The following EPS15L1 variants were observed in gnomAD, a reference collection of about 807,000 sequenced individuals.
EPS15L1 encodes epidermal growth factor receptor pathway substrate 15 like 1.
A neutral mutation model predicts 117.1 loss-of-function variants in EPS15L1; 43 were observed. The observed-to-expected ratio is 0.37, with a 90% CI of 0.29 to 0.47. EPS15L1 has a LOEUF of 0.47. EPS15L1 is among the 20% of genes least tolerant of loss of function. EPS15L1 has a pLI of 0.99. For synonymous variants in EPS15L1, 459 were observed against 470.5 expected (o/e 0.98, Z 0.32); for missense variants, 981 against 1,164.0 (o/e 0.84, Z 2.29).
chr19:16,456,822 G>A (rs1337725779), intron 1 of EPS15L1, among the ~76,000 whole-genome samples: 3 of 152,066 alleles, frequency 2.0e-5, no homozygotes, highest in Non-Finnish European at 2.9e-5. Flanking sequence ...GGTGTGCACC[G>A]GGACAGAGAA....
intron 13 of EPS15L1, among the ~76,000 whole-genome samples, chr19:16,406,635 C>T (rs1361058263): frequency 4.6e-5 from 7 of 152,268 alleles, no homozygotes; most frequent in East Asian, 1.9e-4. Context: ...TTCCAGGCCA[C>T]GGCCCATGGA....
chr19:16,444,063 CAAAAAAAA>C (rs545605173), intron 1 of EPS15L1, among the ~76,000 whole-genome samples: 7 of 37,698 alleles, frequency 1.9e-4, no homozygotes, highest in Admixed American at 7.7e-4. Flanking sequence ...GACTCCGTCT[CAAAAAAAA>C]AAAAAAAAAA....
intron 16 of EPS15L1, among the ~76,000 whole-genome samples, chr19:16,400,362 AAAAAAAAAAC>A (rs2092587735): frequency 6.6e-6 from 1 of 151,670 alleles, no homozygotes; most frequent in Admixed American, 6.6e-5. Context: ...AAAACAAAAA[AAAAAAAAAAC>A]CCCTGACTTT....
chr19:16,376,396 C>G (rs1034017710), intron 22 of EPS15L1, among the ~76,000 whole-genome samples: 1 of 152,184 alleles, frequency 6.6e-6, no homozygotes, highest in African/African-American at 2.4e-5. Context: ...CGAGAGAAAT[C>G]CCACGTGTGA....
intron 22 of EPS15L1, among the ~76,000 whole-genome samples, chr19:16,366,416 G>T (rs1340166142): frequency 6.6e-6 from 1 of 152,082 alleles, no homozygotes; most frequent in African/African-American, 2.4e-5. Flanking sequence ...AAAGAAATTG[G>T]TTTTTGGGAG....
intron 9 of EPS15L1, among the ~76,000 whole-genome samples, 187 bp from the exon 10 acceptor site, chr19:16,421,663 G>T (rs886902366): frequency 6.6e-6 from 1 of 152,154 alleles, no homozygotes; most frequent in African/African-American, 2.4e-5. Context: ...GCTGAGACAG[G>T]TTGAGGCTGG....
chr19:16,455,138 A>G (rs2093182518), intron 1 of EPS15L1, among the ~76,000 whole-genome samples: 1 of 152,026 alleles, frequency 6.6e-6, no homozygotes. Context: ...TCAAAAAAAA[A>G]AAGAGAGACA....
chr19:16,412,962 G>C, intron 13 of EPS15L1: 1 of 669,400 alleles, frequency 1.5e-6, no homozygotes, highest in Non-Finnish European at 2.8e-6. Context: ...GCCCATCAAG[G>C]AATCTGAGAT....
At chr19:16,387,882 G>GA (rs1249376896) in intron 19 of EPS15L1, among the ~76,000 whole-genome samples, 1 of 151,934 alleles carries the variant, frequency 6.6e-6, no homozygotes, top group African/African-American at 2.4e-5. Context: ...AGAAAAAGGA[G>GA]AAAAAAGAAT....
intron 10 of EPS15L1, among the ~76,000 whole-genome samples, chr19:16,420,061 C>G (rs1325167126): frequency 6.6e-6 from 1 of 152,254 alleles, no homozygotes; most frequent in Admixed American, 6.5e-5. Context: ...TCTTCATGCT[C>G]CCCCTCCTCC....
At chr19:16,429,185 T>G (rs1462462859) in intron 7 of EPS15L1, among the ~76,000 whole-genome samples, 1 of 152,066 alleles carries the variant, frequency 6.6e-6, no homozygotes, top group Non-Finnish European at 1.5e-5. Flanking sequence ...TGCGAGCTCA[T>G]GTCTGAGCAG....
intron 9 of EPS15L1, among the ~76,000 whole-genome samples, chr19:16,421,924 A>G (rs2092817889): frequency 6.6e-6 from 1 of 152,198 alleles, no homozygotes; most frequent in Admixed American, 6.5e-5. Context: ...ACAGGCAGCC[A>G]AAGTGTCCTG....
chr19:16,386,310 C>T (rs764066412), intron 19 of EPS15L1, 79 bp from the exon 20 acceptor site: 104 of 1,108,876 alleles, frequency 9.4e-5, no homozygotes, highest in Non-Finnish European at 1.3e-4. Flanking sequence ...ACCTTCCTGA[C>T]GTCGATGTAC....
At chr19:16,442,301 T>A (rs2093040150) in intron 1 of EPS15L1, 82 bp from the exon 2 acceptor site, 1 of 1,054,782 alleles carries the variant, frequency 9.5e-7, no homozygotes, top group Non-Finnish European at 1.5e-6. Flanking sequence ...AATTTTGTCA[T>A]GACCAAAATA....
intron 15 of EPS15L1, 88 bp from the exon 16 acceptor site, chr19:16,402,573 A>C: frequency 3.1e-6 from 4 of 1,270,990 alleles, no homozygotes; most frequent in Non-Finnish European, 4.3e-6. Context: ...ACAGGGTCTC[A>C]CTCTGTCACC....
chr19:16,442,279 G>A (rs890016788), intron 1 of EPS15L1, 60 bp from the exon 2 acceptor site: 2 of 1,480,914 alleles, frequency 1.4e-6, no homozygotes, highest in South Asian at 1.2e-5. Context: ...GGAAAAAAAG[G>A]GTTGCCCCCT....
chr19:16,417,509 G>A (rs1301896370), intron 12 of EPS15L1, 43 bp downstream of exon 12: 7 of 1,501,776 alleles, frequency 4.7e-6, no homozygotes, highest in Middle Eastern at 1.7e-4. Context: ...GGGAGAGTTC[G>A]TGTAACATCT....
At chr19:16,445,025 G>C (rs998250198) in intron 1 of EPS15L1, among the ~76,000 whole-genome samples, 1 of 152,042 alleles carries the variant, frequency 6.6e-6, no homozygotes, top group Non-Finnish European at 1.5e-5. Context: ...AGCCCCAGGC[G>C]AGTTTTTTAA....
chr19:16,434,947 T>TTTTTC (rs2092964362), intron 6 of EPS15L1: 1 of 153,234 alleles, frequency 6.5e-6, no homozygotes, highest in Non-Finnish European at 1.5e-5. Flanking sequence ...TTTTTTTTTT[T>TTTTTC]TTTTTCTTTT....
Sources: allele counts gnomAD v4.1 joint callset (sites outside exome capture counted in the v4.1 genomes callset), GRCh38; gene constraint gnomAD v4.1.1; transcripts MANE v1.5; gene names NCBI Gene and HGNC (gene_info 2026-07-23, HGNC 2026-07-21).